PHTF1: variants seen among roughly 807,000 people sequenced by gnomAD.
PHTF1 encodes protein PHTF1.
In PHTF1, 88 loss-of-function variants were observed where a neutral mutation model predicts 102.4. That is an observed-to-expected ratio of 0.86 (90% CI 0.72 to 1.03). The LOEUF is 1.03. PHTF1 is among the 50% of genes least tolerant of loss of function. PHTF1 has a pLI of 0.00. For missense variants in PHTF1, 814 were observed against 909.5 expected (o/e 0.89, Z 1.35); for synonymous variants, 289 against 305.2 (o/e 0.95, Z 0.55).
chr1:113,711,808 G>GAC lies in PHTF1; in HGVS notation c.983_984dup (p.His329ValfsTer28), dbSNP rs776313889. On this transcript the variant is annotated frameshift_variant, in exon 10 of 19. Transcript: ENST00000369604. LOFTEE classifies it high-confidence loss of function. ...AGACTATCTGAATCCCGCACAATAT[G>GAC]ACACCACCTTGTAGTGGTTTTCTTT... 17 of 1,613,818 alleles carry GAC rather than the reference G, an allele frequency of 1.1e-5. No individual in the cohort carries two copies. In the South Asian group the frequency reaches 1.9e-4, roughly 18 times the overall value.
chr1:113,735,259 C>T lies in PHTF1; in HGVS notation c.331+2851G>A, dbSNP rs567607989. Among the ~76,000 whole-genome samples the T allele has an allele frequency of 6.2e-5, 9 of 144,546 alleles. No homozygotes were observed. In the East Asian group the frequency reaches 1.3e-3, roughly 20 times the overall value. 94.8% of individuals were successfully genotyped at this position (144,546 alleles called of 152,430 possible). On this transcript the variant is annotated intron_variant, in intron 5 of 18. Transcript: ENST00000369604. Reference sequence around the variant, plus strand: ...TGTGTCTCTGTAGTCCCAGTTACTTCGGAGGCTGAGGCAAGAGAATCACTT... The same window carrying T: ...TGTGTCTCTGTAGTCCCAGTTACTTTGGAGGCTGAGGCAAGAGAATCACTT...
At chr1:113,745,361 G>A (rs1318812621) in intron 3 of PHTF1, among the ~76,000 whole-genome samples, 2 of 152,114 alleles carry the variant, frequency 1.3e-5, no homozygotes, top group Non-Finnish European at 2.9e-5. Context: ...ACAGATGGAG[G>A]GTAAAGAGAG....
intron 2 of PHTF1, 145 bp downstream of exon 2, chr1:113,758,513 TC>T: frequency 2.3e-6 from 1 of 428,796 alleles, no homozygotes. Context: ...ACCTTGTACA[TC>T]TTTTTTTTTT....
At chr1:113,704,039 T>A in intron 15 of PHTF1, 42 bp downstream of exon 15, 1 of 1,296,298 alleles carries the variant, frequency 7.7e-7, no homozygotes, top group Non-Finnish European at 1.1e-6. Context: ...AACTCTATAA[T>A]AGAATTTTCA....
intron 3 of PHTF1, among the ~76,000 whole-genome samples, chr1:113,755,737 G>A (rs1460497783): frequency 6.6e-6 from 1 of 152,084 alleles, no homozygotes; most frequent in African/African-American, 2.4e-5. Flanking sequence ...AGGAAGGTAT[G>A]TATTAAATGA....
intron 17 of PHTF1, 87 bp downstream of exon 17, chr1:113,699,617 G>C: frequency 1.4e-6 from 1 of 715,116 alleles, no homozygotes; most frequent in Non-Finnish European, 2.5e-6. Context: ...CCCAACCCAA[G>C]GTATCATCTG....
At chr1:113,734,145 C>A (rs535686679) in intron 5 of PHTF1, among the ~76,000 whole-genome samples, 14 of 151,890 alleles carry the variant, frequency 9.2e-5, no homozygotes, top group African/African-American at 3.1e-4. Context: ...CTGTAATCCC[C>A]GCTACTCAGG....
At chr1:113,717,071 G>C (rs1009439652) in intron 7 of PHTF1, among the ~76,000 whole-genome samples, 1 of 152,098 alleles carries the variant, frequency 6.6e-6, no homozygotes, top group Non-Finnish European at 1.5e-5. Flanking sequence ...AGGGGACAGA[G>C]TGAAAGTGTA....
intron 2 of PHTF1, among the ~76,000 whole-genome samples, chr1:113,758,207 G>A (rs1247175421): frequency 8.2e-6 from 1 of 122,524 alleles, no homozygotes; most frequent in Admixed American, 1.1e-4. Flanking sequence ...CTCCAGCCTG[G>A]GCAACAAGAG....
rs757930458 is a variant in PHTF1 at position 113,698,366 on chromosome 1, G to T, written c.2164C>A (p.Leu722Ile). 6.2e-7 allele frequency: 1 copy of T among 1,611,324 alleles called. No homozygotes were observed. Among genetic ancestry groups the T allele is most frequent in the South Asian group, 1.1e-5 (1 of 91,016 alleles). The change falls in exon 18 of 19, where the codon CTC (leucine) becomes ATC (isoleucine). Residue 722 changes from leucine to isoleucine, a missense_variant. Leu to Ile is a conservative substitution (Grantham distance 5, BLOSUM62 2). Transcript: ENST00000369604. ...AAGGGATTCATTGTCAGTCCATAGA[G>T]TCTAAATGGTGTGTCCAGCTCCTAC... Reference protein sequence around the residue: ...LLKELDTPFRLYGLTMNPLIY... With the variant: ...LLKELDTPFRIYGLTMNPLIY...
intron 3 of PHTF1, among the ~76,000 whole-genome samples, chr1:113,739,274 T>C (rs1655979834): frequency 6.6e-6 from 1 of 152,202 alleles, no homozygotes; most frequent in African/African-American, 2.4e-5. Context: ...TAATACATAT[T>C]TTGTTTTAGT....
chr1:113,750,874 G>A (rs1657976755), intron 3 of PHTF1, among the ~76,000 whole-genome samples: 1 of 151,860 alleles, frequency 6.6e-6, no homozygotes, highest in Admixed American at 6.6e-5. Flanking sequence ...TAGTAAAAGG[G>A]GAGATTCTTA....
intron 5 of PHTF1, among the ~76,000 whole-genome samples, chr1:113,729,332 G>A (rs1182423637): frequency 1.3e-5 from 2 of 152,078 alleles, no homozygotes; most frequent in Non-Finnish European, 2.9e-5. Flanking sequence ...AAAATACCTA[G>A]TATTTGATAG....
chr1:113,756,049 AG>A (rs1658820659), intron 3 of PHTF1, among the ~76,000 whole-genome samples: 1 of 150,858 alleles, frequency 6.6e-6, no homozygotes, highest in African/African-American at 2.4e-5. Flanking sequence ...CCAGGGTGAC[AG>A]AGCGAGACTC....
intron 11 of PHTF1, among the ~76,000 whole-genome samples, chr1:113,707,972 T>G (rs956516324): frequency 2.0e-5 from 3 of 152,026 alleles, no homozygotes; most frequent in Non-Finnish European, 2.9e-5. Flanking sequence ...CAGAGGCACA[T>G]GAGGCCTGGT....
At chr1:113,717,039 A>C (rs1652165084) in intron 7 of PHTF1, among the ~76,000 whole-genome samples, 1 of 152,224 alleles carries the variant, frequency 6.6e-6, no homozygotes, top group Non-Finnish European at 1.5e-5. Flanking sequence ...TATAAATACA[A>C]ACAACAAAAA....
intron 3 of PHTF1, among the ~76,000 whole-genome samples, chr1:113,753,675 GC>G (rs890238832): frequency 1.8e-4 from 27 of 151,410 alleles, no homozygotes; most frequent in Non-Finnish European, 2.9e-4. Context: ...CAATCTGCCT[GC>G]CTCGGCCTCC....
rs1189017169 is a variant in PHTF1, at chr1:113,733,252, C to T, written c.331+4858G>A. On this transcript the variant is annotated intron_variant, in intron 5 of 18. Coordinates refer to ENST00000369604, the MANE Select transcript of PHTF1 (RefSeq NM_001323043.2). ...TAATGCTGGTAAGACCATGGTAAAACAGGTACTCTCATCTATTGCTTTCCA... is the reference window on the plus strand; with the variant it reads ...TAATGCTGGTAAGACCATGGTAAAATAGGTACTCTCATCTATTGCTTTCCA... 3.3e-5 allele frequency among the ~76,000 whole-genome samples: 5 copies of T among 151,586 alleles called. No homozygotes were observed. In the East Asian group the frequency reaches 9.6e-4, roughly 29 times the overall value.
intron 15 of PHTF1, 76 bp downstream of exon 15, chr1:113,704,005 G>T: frequency 1.2e-6 from 1 of 855,416 alleles, no homozygotes; most frequent in South Asian, 1.5e-5. Context: ...TAAGGACAGT[G>T]ACCTAAGTCT....
Sources: gnomAD v4.1 joint callset for allele counts (sites outside exome capture counted in the v4.1 genomes callset) on GRCh38, gnomAD v4.1.1 for gene constraint, MANE v1.5 for transcripts, NCBI Gene and HGNC (gene_info 2026-07-23, HGNC 2026-07-21) for gene names.